The following POLR3B variants were observed in gnomAD, a reference collection of about 807,000 sequenced individuals.
POLR3B encodes the protein DNA-directed RNA polymerase III subunit RPC2.
A neutral mutation model predicts 147.4 loss-of-function variants in POLR3B; 96 were observed. The ratio of observed to expected loss-of-function variants is 0.65; its 90% CI spans 0.55 to 0.77. POLR3B has a LOEUF of 0.77. POLR3B is among the 30% of genes least tolerant of loss of function. The pLI is 0.00. For synonymous variants in POLR3B, 461 were observed against 485.9 expected (o/e 0.95, Z 0.67); for missense variants, 1,036 against 1,413.5 (o/e 0.73, Z 4.28).
chr12:106,393,767 T>C (rs1343506554), intron 10 of POLR3B, among the ~76,000 whole-genome samples: 2 of 127,908 alleles, frequency 1.6e-5, no homozygotes, highest in Non-Finnish European at 3.4e-5. Flanking sequence ...GACTGAGAAA[T>C]ACACACACAC....
At chr12:106,425,408 G>T (rs1236820599) in intron 12 of POLR3B, among the ~76,000 whole-genome samples, 1 of 152,142 alleles carries the variant, frequency 6.6e-6, no homozygotes, top group African/African-American at 2.4e-5. Flanking sequence ...GTTACTGTAG[G>T]TGCAGAGTTT....
chr12:106,414,508 G>A (rs2037275192), intron 12 of POLR3B, among the ~76,000 whole-genome samples: 1 of 152,066 alleles, frequency 6.6e-6, no homozygotes, highest in Admixed American at 6.6e-5. Flanking sequence ...TGAGTTTCAA[G>A]TTCACATCCT....
chr12:106,493,937 G>T (rs1003743060), intron 23 of POLR3B, among the ~76,000 whole-genome samples: 45 of 151,932 alleles, frequency 3.0e-4, no homozygotes, highest in African/African-American at 1.0e-3. Flanking sequence ...TTTAATTTTT[G>T]ACTTACAGGT....
chr12:106,484,869 A>T (rs1306171801), intron 23 of POLR3B, among the ~76,000 whole-genome samples: 1 of 152,062 alleles, frequency 6.6e-6, no homozygotes, highest in African/African-American at 2.4e-5. Context: ...ATATTCAAGG[A>T]ACAGAAAAAA....
chr12:106,358,138 A>G, intron 1 of POLR3B, 187 bp downstream of exon 1: 4 of 1,393,338 alleles, frequency 2.9e-6, no homozygotes, highest in Non-Finnish European at 3.7e-6. Flanking sequence ...GCGCGAGTGA[A>G]GGCTGATCCC....
At chr12:106,367,018 G>A (rs577262295) in intron 4 of POLR3B, among the ~76,000 whole-genome samples, 1 of 152,256 alleles carries the variant, frequency 6.6e-6, no homozygotes, top group Admixed American at 6.5e-5. Context: ...CAGGAGAATC[G>A]CTTGAATCTG....
chr12:106,448,972 A>G (rs2137022049), intron 19 of POLR3B, among the ~76,000 whole-genome samples: 2 of 152,240 alleles, frequency 1.3e-5, no homozygotes, highest in Admixed American at 1.3e-4. Context: ...TTCTGGTAGA[A>G]TGTAAATTAT....
chr12:106,480,852 A>G (rs2038256866), intron 23 of POLR3B, among the ~76,000 whole-genome samples: 1 of 150,892 alleles, frequency 6.6e-6, no homozygotes, highest in Non-Finnish European at 1.5e-5. Flanking sequence ...TGCTGAGGGA[A>G]TGATATGTCG....
Position 106,369,680 on chromosome 12 carries a change from G to A in POLR3B, c.401G>A (p.Gly134Asp), listed in dbSNP as rs1302921828. The A allele has an allele frequency of 3.1e-6, 5 of 1,597,926 alleles. No individual in the cohort carries two copies. Among genetic ancestry groups the A allele is most frequent in the Non-Finnish European group, 4.3e-6 (5 of 1,165,464 alleles). Residue 134 changes from glycine to aspartate, a missense_variant, in exon 6 of 28, where the codon GGC becomes GAC. Physicochemically the swap from Gly to Asp is moderately conservative, Grantham distance 94. Around this residue, in one of 12 missense-constraint regions of POLR3B, gnomAD observed 217 missense variants for 288.7 expected, o/e 0.75. Transcript: ENST00000228347. ...QRIIRNALPIGRMPIMLRSSN... is the reference protein window; with the variant it reads ...QRIIRNALPIDRMPIMLRSSN... ...ATCATCCGCAATGCCTTACCTATCG[G>A]CAGGTGAGAAATGAAATCCGTATTA...
At chr12:106,458,705 T>A (rs1449048847) in intron 21 of POLR3B, among the ~76,000 whole-genome samples, 2 of 151,998 alleles carry the variant, frequency 1.3e-5, no homozygotes, top group Admixed American at 1.3e-4. Flanking sequence ...TCTTGGAGAA[T>A]TTTTCTCACC....
chr12:106,430,362 G>C lies in POLR3B; in HGVS notation c.1353G>C (p.Met451Ile), dbSNP rs1402077014. ...TGTCATATATATCCGCACTGGGCAT[G>C]ATGACAAGAATCTCTTCCCAGTTTG... is the stretch of plus-strand genomic sequence containing the variant. ...SRLSYISALG[M>I]MTRISSQFEK... The change falls in exon 14 of 28, where the codon ATG (methionine) becomes ATC (isoleucine). Residue 451 changes from methionine (M) to isoleucine (I), a missense_variant. Met to Ile is a conservative substitution (Grantham distance 10). Transcript: ENST00000228347. The C allele has an allele frequency of 1.9e-6, 3 of 1,614,000 alleles. No homozygotes were observed. In the Admixed American group the frequency reaches 5.0e-5, roughly 27 times the overall value.
intron 12 of POLR3B, among the ~76,000 whole-genome samples, chr12:106,411,202 G>A (rs568042506): frequency 3.3e-5 from 5 of 152,116 alleles, no homozygotes; most frequent in East Asian, 1.9e-4. Flanking sequence ...GCAATGGCAC[G>A]ATCTCAGCTC....
intron 23 of POLR3B, among the ~76,000 whole-genome samples, chr12:106,495,597 A>G (rs774103869): frequency 6.6e-6 from 1 of 152,224 alleles, no homozygotes; most frequent in Non-Finnish European, 1.5e-5. Flanking sequence ...CCACATTGTA[A>G]GCACACTCCT....
At chr12:106,496,508 G>A (rs2038488220) in intron 24 of POLR3B, 4 of 601,656 alleles carry the variant, frequency 6.6e-6, no homozygotes, top group Non-Finnish European at 8.8e-6. Flanking sequence ...TGTGGCCTTG[G>A]ACAAGTTGCT....
chr12:106,503,486 C>T (rs938013379), intron 26 of POLR3B, among the ~76,000 whole-genome samples: 1 of 152,098 alleles, frequency 6.6e-6, no homozygotes, highest in African/African-American at 2.4e-5. Context: ...CATGGGGTTG[C>T]CTAAATTGTT....
At chr12:106,452,053 G>A (rs1232166476) in intron 19 of POLR3B, among the ~76,000 whole-genome samples, 1 of 152,242 alleles carries the variant, frequency 6.6e-6, no homozygotes, top group East Asian at 1.9e-4. Flanking sequence ...AATACTAATA[G>A]GGGAATCAAA....
intron 23 of POLR3B, among the ~76,000 whole-genome samples, chr12:106,467,387 G>A (rs943998756): frequency 6.6e-6 from 1 of 152,184 alleles, no homozygotes; most frequent in African/African-American, 2.4e-5. Flanking sequence ...ACACAATCAT[G>A]TCATCTGCAA....
chr12:106,455,901 AATTAC>A (rs1170053533), intron 20 of POLR3B, among the ~76,000 whole-genome samples: 1 of 152,200 alleles, frequency 6.6e-6, no homozygotes, highest in Non-Finnish European at 1.5e-5. Flanking sequence ...ATATTTAAAA[AATTAC>A]ATTACAGCCC....
intron 1 of POLR3B, 28 bp downstream of exon 1, chr12:106,357,979 A>G: frequency 6.2e-7 from 1 of 1,609,546 alleles, no homozygotes; most frequent in Non-Finnish European, 8.5e-7. Context: ...AGGGAGCGTC[A>G]GGGACAAGGA....
Sources: gnomAD v4.1 joint callset for allele counts (sites outside exome capture counted in the v4.1 genomes callset) on GRCh38, gnomAD v4.1.1 for gene constraint, gnomAD v4.1.1 regional missense constraint, MANE v1.5 for transcripts, NCBI Gene and HGNC (gene_info 2026-07-23, HGNC 2026-07-21) for gene names.